Variants in CDA observed in about 807,000 individuals in gnomAD.
CDA encodes cytidine aminohydrolase.
Under a neutral mutation model 15.0 loss-of-function variants are expected in CDA, and 7 were observed. That is an observed-to-expected ratio of 0.47 (90% CI 0.26 to 0.87). The LOEUF is 0.87. Ranked by LOEUF, CDA falls within the 40% of genes least tolerant of loss-of-function variation. The pLI is 0.15. For missense variants in CDA, 159 were observed against 182.7 expected, an observed-to-expected ratio of 0.87 and a Z score of 0.75; for synonymous variants, 58 against 73.0, an observed-to-expected ratio of 0.79 and a Z score of 1.05.
chr1:20,592,116 A>G (rs1570374945), intron 1 of CDA, among the ~76,000 whole-genome samples: 1 of 152,100 alleles, frequency 6.6e-6, no homozygotes, highest in Admixed American at 6.5e-5. Flanking sequence ...GATTACAGGC[A>G]TGAGCCACCG....
At chr1:20,591,296 G>A (rs182488341) in intron 1 of CDA, among the ~76,000 whole-genome samples, 4 of 152,108 alleles carry the variant, frequency 2.6e-5, no homozygotes, top group Non-Finnish European at 4.4e-5. Context: ...AGCCGAGATC[G>A]TGCCACTGCA....
At chr1:20,611,962 G>C (rs1003124660) in intron 2 of CDA, among the ~76,000 whole-genome samples, 1 of 151,830 alleles carries the variant, frequency 6.6e-6, no homozygotes, top group Non-Finnish European at 1.5e-5. Flanking sequence ...TCCCAGGCTC[G>C]AGTGATCCTC....
intron 1 of CDA, among the ~76,000 whole-genome samples, chr1:20,589,484 C>T (rs1382684661): frequency 6.6e-6 from 1 of 152,122 alleles, no homozygotes; most frequent in Non-Finnish European, 1.5e-5. Context: ...CAGGGTCTTT[C>T]AATGCTTAGA....
chr1:20,596,150 G>GA (rs984452444), intron 1 of CDA, among the ~76,000 whole-genome samples: 11 of 149,526 alleles, frequency 7.4e-5, no homozygotes, highest in African/African-American at 1.5e-4. Context: ...ACTCCATCTC[G>GA]AAAAAAAAAA....
In CDA at chr1:20,603,865, C is replaced by T. The variant is rs144674251; in HGVS notation, c.155-1063C>T. ...CCAATCTGGTTATGCCAACATCTTG[C>T]CTCCTAGGAGCAGCCTTGGCTTATT... On this transcript the variant is annotated intron_variant, in intron 1 of 3. Coordinates refer to ENST00000375071, the MANE Select transcript of CDA (RefSeq NM_001785.3). 1.4e-4 allele frequency among the ~76,000 whole-genome samples: 22 copies of T among 152,262 alleles called. No individual in the cohort carries two copies. In the East Asian group the frequency reaches 3.7e-3, roughly 25 times the overall value.
At chr1:20,604,796 C>T (rs937585557) in intron 1 of CDA, 132 bp from the exon 2 acceptor site, 3 of 710,964 alleles carry the variant, frequency 4.2e-6, no homozygotes, top group African/African-American at 1.8e-5. Context: ...CCCTAATTGC[C>T]CTGTCCTTCT....
At chr1:20,618,284 C>T (rs1311083911) in intron 3 of CDA, among the ~76,000 whole-genome samples, 168 bp from the exon 4 acceptor site, 2 of 103,152 alleles carry the variant, frequency 1.9e-5, no homozygotes, top group Non-Finnish European at 4.2e-5. Flanking sequence ...TTCCTCCTCC[C>T]TGCAGCACTA....
intron 1 of CDA, among the ~76,000 whole-genome samples, chr1:20,597,152 GAA>G (rs1425843739): frequency 2.6e-5 from 4 of 152,092 alleles, no homozygotes; most frequent in Non-Finnish European, 5.9e-5. Flanking sequence ...AGGCCATAGA[GAA>G]TAAGAAGAGT....
chr1:20,592,205 A>C (rs2052555770), intron 1 of CDA, among the ~76,000 whole-genome samples: 1 of 152,170 alleles, frequency 6.6e-6, no homozygotes, highest in Non-Finnish European at 1.5e-5. Context: ...AACCAGATTC[A>C]GCTGGTATGC....
chr1:20,600,413 G>A (rs1304965655), intron 1 of CDA, among the ~76,000 whole-genome samples: 1 of 152,032 alleles, frequency 6.6e-6, no homozygotes, highest in Non-Finnish European at 1.5e-5. Flanking sequence ...TGTCAGTGAA[G>A]GTGGGAGTGG....
chr1:20,594,270 T>C (rs1282652621), intron 1 of CDA, among the ~76,000 whole-genome samples: 4 of 152,218 alleles, frequency 2.6e-5, no homozygotes, highest in Non-Finnish European at 5.9e-5. Flanking sequence ...GCCAGGGCCT[T>C]GTGCCCCTCA....
At chr1:20,606,379 C>T (rs573567909) in intron 2 of CDA, among the ~76,000 whole-genome samples, 1 of 152,024 alleles carries the variant, frequency 6.6e-6, no homozygotes, top group African/African-American at 2.4e-5. Flanking sequence ...CTGCTATAGA[C>T]TCCCTTGCCA....
chr1:20,611,376 GTTTGT>G (rs368105661), intron 2 of CDA, among the ~76,000 whole-genome samples: 1 of 152,164 alleles, frequency 6.6e-6, no homozygotes, highest in Non-Finnish European at 1.5e-5. Flanking sequence ...AAAGGCACTT[GTTTGT>G]TTTGTTTTGT....
At chr1:20,614,367 G>A (rs1437937877) in intron 3 of CDA, among the ~76,000 whole-genome samples, 1 of 152,142 alleles carries the variant, frequency 6.6e-6, no homozygotes, top group Non-Finnish European at 1.5e-5. Context: ...AACAGCCCTT[G>A]GGCCAAATCC....
chr1:20,589,933 G>C (rs1311359996), intron 1 of CDA, among the ~76,000 whole-genome samples: 2 of 152,082 alleles, frequency 1.3e-5, no homozygotes, highest in Non-Finnish European at 2.9e-5. Context: ...CGGGGCGGGG[G>C]CGGGTAATGG....
chr1:20,598,872 T>C (rs2052612489), intron 1 of CDA, among the ~76,000 whole-genome samples: 1 of 152,162 alleles, frequency 6.6e-6, no homozygotes, highest in African/African-American at 2.4e-5. Flanking sequence ...ACTTCACTGT[T>C]CCAGGCCCAG....
intron 1 of CDA, among the ~76,000 whole-genome samples, chr1:20,601,581 C>A (rs1164496288): frequency 6.6e-6 from 1 of 152,186 alleles, no homozygotes; most frequent in East Asian, 1.9e-4. Context: ...CCACATTCAC[C>A]CTCACCCTGA....
intron 2 of CDA, 25 bp downstream of exon 2, chr1:20,605,064 C>T (rs1047057283): frequency 3.0e-6 from 4 of 1,321,356 alleles, no homozygotes; most frequent in Non-Finnish European, 4.4e-6. Flanking sequence ...CAGGTTGCAA[C>T]AATATTCATT....
chr1:20,596,416 T>C (rs2052592078), intron 1 of CDA, among the ~76,000 whole-genome samples: 1 of 151,994 alleles, frequency 6.6e-6, no homozygotes, highest in African/African-American at 2.4e-5. Context: ...CCCAGACCTA[T>C]TGAATCAGAA....
Sources: allele counts gnomAD v4.1 joint callset (sites outside exome capture counted in the v4.1 genomes callset), GRCh38; gene constraint gnomAD v4.1.1; transcripts MANE v1.5; gene names NCBI Gene and HGNC (gene_info 2026-07-23, HGNC 2026-07-21).